DDX47: variants seen among roughly 807,000 people sequenced by gnomAD.
The protein encoded by DDX47 is probable ATP-dependent RNA helicase DDX47.
In DDX47, 60 loss-of-function variants were observed where a neutral mutation model predicts 58.8. The ratio of observed to expected loss-of-function variants is 1.02; its 90% confidence interval spans 0.83 to 1.26. The LOEUF (loss-of-function observed/expected upper bound fraction) is 1.26. Ranked by LOEUF, DDX47 falls within the 50% of genes most tolerant of loss-of-function variation. DDX47 has a pLI of 0.00. For synonymous variants in DDX47, 197 were observed against 204.6 expected (o/e 0.96, Z 0.32); for missense variants, 530 against 573.2 (o/e 0.92, Z 0.77).
chr12:12,827,279 C>T lies in DDX47; in HGVS notation c.1140C>T (p.His380=). The change falls in exon 11 of 12, where the codon CAC becomes CAT. Residue 380 remains histidine, a synonymous_variant. Transcript: ENST00000358007. ...TGGAACTCTTCCAGCGCATAGAACACTTAATTGGGAAGAAACTACCAGGTT... is the reference window on the plus strand; with the variant it reads ...TGGAACTCTTCCAGCGCATAGAACATTTAATTGGGAAGAAACTACCAGGTT... ...YDVELFQRIE[H]LIGKKLPGFP... The T allele has an allele frequency of 2.5e-6, 4 of 1,614,164 alleles. No individual in the cohort carries two copies. The highest frequency in any genetic ancestry group is 3.4e-6 in the Non-Finnish European group (4 of 1,180,032).
chr12:12,828,191 G>A (rs77234621), intron 11 of DDX47, among the ~76,000 whole-genome samples: 1 of 152,020 alleles, frequency 6.6e-6, no homozygotes. Context: ...AAGGATTGCC[G>A]CAAGTGGAAA....
intron 5 of DDX47, among the ~76,000 whole-genome samples, chr12:12,822,359 C>T (rs1039276301): frequency 6.6e-6 from 1 of 152,106 alleles, no homozygotes; most frequent in African/African-American, 2.4e-5. Context: ...TCTTTGATGA[C>T]CCACTAATCC....
Position 12,826,055 on chromosome 12 carries a change from T to G in DDX47, c.1091T>G (p.Ile364Ser). Residue 364 changes from isoleucine to serine, a missense_variant, in exon 10 of 12, where the codon ATT becomes AGT. By Grantham distance (142) the Ile-to-Ser change is moderately radical. Coordinates refer to ENST00000358007, the MANE Select transcript of DDX47 (RefSeq NM_016355.4). ...AGAGCTGGGCGCTCCGGAAAGGCTA[T>G]TACTTTTGTCACACAGTAAGTAAAT... ...TARAGRSGKA[I>S]TFVTQYDVEL... The G allele has an allele frequency of 6.2e-7, 1 of 1,613,868 alleles. No individual in the cohort carries two copies. Among genetic ancestry groups the G allele is most frequent in the Non-Finnish European group, 8.5e-7 (1 of 1,179,874 alleles).
rs540987662 is a variant in DDX47, at chr12:12,814,060, ACAGT to A, written c.88-66_88-63del. On this transcript the variant is annotated intron_variant, in intron 1 of 11. Coordinates refer to ENST00000358007, the MANE Select transcript of DDX47 (RefSeq NM_016355.4). The stretch of plus-strand genomic sequence containing the variant: ...ACAATGGTTGTACATGATGGGTCTG[ACAGT>A]CAGTTAAGTAGGAGGGAGGTAGGGG... The A allele has an allele frequency of 5.4e-5, 50 of 927,862 alleles. 1 individual carries two copies. Among genetic ancestry groups the A allele is most frequent in the South Asian group, 4.9e-4 (38 of 76,920 alleles). The allele number at this position is 927,862 out of a possible 1,614,324, so 57.5% of individuals were successfully genotyped here.
chr12:12,828,301 G>A (rs1002433673), intron 11 of DDX47, among the ~76,000 whole-genome samples: 2 of 151,998 alleles, frequency 1.3e-5, no homozygotes, highest in African/African-American at 4.8e-5. Flanking sequence ...ATTACCTTCA[G>A]ACAATTAAAA....
chr12:12,822,012 A>G lies in DDX47; in HGVS notation c.490A>G (p.Asn164Asp). The stretch of plus-strand genomic sequence containing the variant: ...CCACTTGGAAAATACGAAAGGTTTC[A>G]ACTTGAGAGCTCTCAAATACTTGGT... Reference protein sequence around the residue: ...IDHLENTKGFNLRALKYLVMD... With the variant: ...IDHLENTKGFDLRALKYLVMD... Residue 164 changes from asparagine to aspartate, a missense_variant, in exon 5 of 12, where the codon AAC (asparagine) becomes GAC (aspartate). Physicochemically the swap from Asn to Asp is conservative, Grantham distance 23. Transcript: ENST00000358007. 6.2e-7 allele frequency: 1 copy of G among 1,614,056 alleles called. No individual in the cohort carries two copies. The highest frequency in any genetic ancestry group is 8.5e-7 in the Non-Finnish European group (1 of 1,179,986).
chr12:12,821,613 A>T (rs1360470108), intron 3 of DDX47, 42 bp from the exon 4 acceptor site: 2 of 1,592,742 alleles, frequency 1.3e-6, no homozygotes, highest in Middle Eastern at 1.7e-4. Context: ...GACTGTGGAA[A>T]AAATTAAGGA....
intron 2 of DDX47, among the ~76,000 whole-genome samples, chr12:12,819,398 C>G (rs1255628736): frequency 6.6e-6 from 1 of 150,494 alleles, no homozygotes; most frequent in Non-Finnish European, 1.5e-5. Context: ...CCAAGACCTA[C>G]TGAATCAGAA....
At chr12:12,824,460 G>A in intron 8 of DDX47, 80 bp from the exon 9 acceptor site, 1 of 1,496,838 alleles carries the variant, frequency 6.7e-7, no homozygotes, top group Non-Finnish European at 9.1e-7. Context: ...ATGTCTGTTT[G>A]TTCTCGTGTT....
chr12:12,822,166 G>A (rs1862984857), intron 5 of DDX47, 83 bp downstream of exon 5: 4 of 821,630 alleles, frequency 4.9e-6, no homozygotes, highest in East Asian at 4.9e-5. Flanking sequence ...CTTGTTTCAT[G>A]TAGAACATTG....
intron 6 of DDX47, 31 bp from the exon 7 acceptor site, chr12:12,823,172 C>A: frequency 7.6e-7 from 1 of 1,316,860 alleles, no homozygotes; most frequent in Non-Finnish European, 1.1e-6. Context: ...GTTTAGGCAT[C>A]AGTGTGCTAT....
intron 11 of DDX47, among the ~76,000 whole-genome samples, chr12:12,828,076 G>A (rs1309806311): frequency 6.6e-6 from 1 of 151,690 alleles, no homozygotes; most frequent in Admixed American, 6.6e-5. Flanking sequence ...TTTTGGTCAG[G>A]CGAACTTCTG....
chr12:12,814,272 A>G (rs1485141895), intron 2 of DDX47, 48 bp downstream of exon 2: 1 of 1,162,946 alleles, frequency 8.6e-7, no homozygotes, highest in Non-Finnish European at 1.3e-6. Flanking sequence ...TATCTCAATT[A>G]GATACCCCTT....
At chr12:12,813,530 C>T in intron 1 of DDX47, 76 bp downstream of exon 1, 1 of 1,304,890 alleles carries the variant, frequency 7.7e-7, no homozygotes, top group Non-Finnish European at 1.1e-6. Flanking sequence ...CCTTAGATCC[C>T]GCTCTGATAG....
chr12:12,823,996 C>T lies in DDX47; in HGVS notation c.877C>T (p.Leu293Phe). 1 of 1,613,992 alleles carries T rather than the reference C, an allele frequency of 6.2e-7. No individual in the cohort carries two copies. The highest frequency in any genetic ancestry group is 8.5e-7 in the Non-Finnish European group (1 of 1,179,926). ...AAATCTTGGCTTCACTGCCATCCCCCTCCATGGACAAATGAGTCAGGTAAG... is the reference window on the plus strand; with the variant it reads ...AAATCTTGGCTTCACTGCCATCCCCTTCCATGGACAAATGAGTCAGGTAAG... ...LRNLGFTAIP[L>F]HGQMSQSKRL... The change falls in exon 8 of 12, where the codon CTC becomes TTC. Residue 293 changes from leucine (L) to phenylalanine (F), a missense_variant. By Grantham distance (22) the Leu-to-Phe change is conservative. Transcript: ENST00000358007.
intron 2 of DDX47, 75 bp from the exon 3 acceptor site, chr12:12,821,133 A>G (rs985821566): frequency 1.4e-6 from 2 of 1,472,582 alleles, no homozygotes; most frequent in African/African-American, 2.8e-5. Flanking sequence ...CTTTGTGCCC[A>G]GCATTGTGTC....
intron 2 of DDX47, among the ~76,000 whole-genome samples, chr12:12,818,143 C>T (rs781681449): frequency 1.3e-5 from 2 of 152,124 alleles, no homozygotes; most frequent in African/African-American, 2.4e-5. Context: ...TCATTGTTAC[C>T]TACCCTGCCA....
intron 4 of DDX47, 53 bp from the exon 5 acceptor site, chr12:12,821,912 T>C: frequency 7.5e-7 from 1 of 1,327,022 alleles, no homozygotes; most frequent in South Asian, 1.2e-5. Flanking sequence ...TGTTTTGTTT[T>C]TTTTTTGTCC....
intron 10 of DDX47, 70 bp downstream of exon 10, chr12:12,826,140 A>T (rs1015812263): frequency 7.9e-7 from 1 of 1,259,984 alleles, no homozygotes; most frequent in African/African-American, 1.5e-5. Flanking sequence ...CTGGCTGAGA[A>T]CCTGACACTA....
Sources: allele counts gnomAD v4.1 joint callset (sites outside exome capture counted in the v4.1 genomes callset), GRCh38; gene constraint gnomAD v4.1.1; transcripts MANE v1.5; gene names NCBI Gene and HGNC (gene_info 2026-07-23, HGNC 2026-07-21).